The following SLC17A1 variants were observed in gnomAD, a reference collection of about 807,000 sequenced individuals.
SLC17A1 encodes solute carrier family 17 member 1, also known as sodium-dependent phosphate transport protein 1.
SLC17A1 carries 51 observed loss-of-function variants against 53.5 expected under a neutral mutation model. The ratio of observed to expected loss-of-function variants is 0.95; its 90% CI spans 0.76 to 1.20. The LOEUF (loss-of-function observed/expected upper bound fraction) is 1.20, where lower values mean the gene tolerates loss of function less well. Ranked by LOEUF, SLC17A1 falls within the 50% of genes most tolerant of loss-of-function variation. The pLI is 0.00. For synonymous variants in SLC17A1, 179 were observed against 198.8 expected (o/e 0.90, Z 0.84); for missense variants, 538 against 568.2 (o/e 0.95, Z 0.54).
At chr6:25,823,204 A>G (rs565607221) in intron 3 of SLC17A1, among the ~76,000 whole-genome samples, 2 of 152,116 alleles carry the variant, frequency 1.3e-5, no homozygotes, top group Non-Finnish European at 2.9e-5. Flanking sequence ...TCATTCACCT[A>G]CTGATGGACA....
At chr6:25,749,106 C>A in the SLC17A1 span, among the ~76,000 whole-genome samples, 2 of 152,202 alleles carry the variant, frequency 1.3e-5, no homozygotes, top group Non-Finnish European at 2.9e-5. Flanking sequence ...TCTCATCCCA[C>A]GAGGCCATAT....
Position 25,819,077 on chromosome 6 carries a change from A to G in SLC17A1, c.607T>C (p.Tyr203His). ...ACAGAAAGAGACTCACCAAAAATAT[A>G]GAAGACCATGGGCCAGCCCAGAGAT... ...CESLGWPMVF[Y>H]IFGACGCAVC... is the part of the protein sequence containing the mutation. The change falls in exon 6 of 13, where the codon TAT (tyrosine) becomes CAT (histidine). Residue 203 changes from tyrosine (Y) to histidine (H), a missense_variant. By Grantham distance (83) the Tyr-to-His change is moderately conservative. Coordinates refer to ENST00000244527, the MANE Select transcript of SLC17A1 (RefSeq NM_005074.5). 6.3e-7 allele frequency: 1 copy of G among 1,596,082 alleles called. No individual in the cohort carries two copies. The highest frequency in any genetic ancestry group is 8.5e-7 in the Non-Finnish European group (1 of 1,174,466).
intron 10 of SLC17A1, among the ~76,000 whole-genome samples, chr6:25,810,899 T>C (rs1158988600): frequency 6.6e-6 from 1 of 152,126 alleles, no homozygotes; most frequent in Non-Finnish European, 1.5e-5. Context: ...GTGGTATATA[T>C]ACACAATGGG....
intron 12 of SLC17A1, 93 bp downstream of exon 12, chr6:25,798,690 C>T (rs992223219): frequency 3.2e-5 from 38 of 1,206,186 alleles, no homozygotes; most frequent in Admixed American, 2.2e-4. Context: ...AACCTGCACC[C>T]GTTATTCCTT....
intron 3 of SLC17A1, among the ~76,000 whole-genome samples, chr6:25,824,347 GT>G (rs1171863503): frequency 6.6e-6 from 1 of 151,670 alleles, no homozygotes; most frequent in African/African-American, 2.4e-5. Flanking sequence ...ATCATGATCA[GT>G]GTGGTACAAT....
chr6:25,745,709 C>T, the SLC17A1 span, among the ~76,000 whole-genome samples: 1 of 152,182 alleles, frequency 6.6e-6, no homozygotes, highest in South Asian at 2.1e-4. Flanking sequence ...AATAACAAAT[C>T]ATCAAAGTAA....
chr6:25,770,054 C>T, the SLC17A1 span: 2 of 1,607,494 alleles, frequency 1.2e-6, no homozygotes, highest in Non-Finnish European at 1.7e-6. Flanking sequence ...CAGTAACTCT[C>T]TTTGTCATCT....
chr6:25,774,779 T>C, the SLC17A1 span, among the ~76,000 whole-genome samples: 1 of 152,182 alleles, frequency 6.6e-6, no homozygotes, highest in South Asian at 2.1e-4. Flanking sequence ...AAAGCAGAGC[T>C]TTCCAGGCTA....
chr6:25,801,420 G>C (rs1673087369), intron 10 of SLC17A1, among the ~76,000 whole-genome samples: 2 of 152,294 alleles, frequency 1.3e-5, no homozygotes, highest in Middle Eastern at 6.8e-3. Context: ...CAGAAGCCTA[G>C]TTTACAAGCA....
At chr6:25,823,953 C>G (rs1161870036) in intron 3 of SLC17A1, among the ~76,000 whole-genome samples, 1 of 151,780 alleles carries the variant, frequency 6.6e-6, no homozygotes, top group African/African-American at 2.4e-5. Flanking sequence ...TGTTACACCT[C>G]CAACTACTAA....
chr6:25,768,935 G>A, the SLC17A1 span: 1 of 1,528,782 alleles, frequency 6.5e-7, no homozygotes, highest in Non-Finnish European at 9.1e-7. Flanking sequence ...CTTAGGGAGA[G>A]TGGGAGAAAA....
At chr6:25,814,990 AACACACACACACAC>A (rs56723023) in intron 6 of SLC17A1, among the ~76,000 whole-genome samples, 3 of 51,594 alleles carry the variant, frequency 5.8e-5, no homozygotes, top group Admixed American at 3.4e-4. Context: ...CTGTCACACA[AACACACACACACAC>A]ACACACACAC....
intron 10 of SLC17A1, 44 bp downstream of exon 10, chr6:25,811,354 T>C (rs1349881930): frequency 5.8e-6 from 9 of 1,551,550 alleles, no homozygotes; most frequent in Non-Finnish European, 7.0e-6. Context: ...ATATACAATA[T>C]TTATTTGTTA....
At chr6:25,781,745 A>T (rs1763273646), downstream of SLC17A1, among the ~76,000 whole-genome samples, 1 of 152,082 alleles carries the variant, frequency 6.6e-6, no homozygotes, top group Admixed American at 6.6e-5. Context: ...TGTAGGAATG[A>T]TCTCACTCAC....
the SLC17A1 span, among the ~76,000 whole-genome samples, chr6:25,725,677 TAACTTTCGCCTCCCGGACTC>T: frequency 2.0e-5 from 3 of 151,962 alleles, no homozygotes; most frequent in Non-Finnish European, 4.4e-5. Flanking sequence ...TCGTTCACTG[TAACTTTCGCCTCCCGGACTC>T]ATGAACAACC....
chr6:25,753,198 T>C, the SLC17A1 span, among the ~76,000 whole-genome samples: 30 of 152,252 alleles, frequency 2.0e-4, no homozygotes, highest in African/African-American at 5.5e-4. Context: ...TCTTGGGGAA[T>C]TGGGCATCAC....
At chr6:25,812,161 G>A (rs1764180151) in intron 8 of SLC17A1, among the ~76,000 whole-genome samples, 1 of 152,156 alleles carries the variant, frequency 6.6e-6, no homozygotes. Context: ...CAACTTCAGG[G>A]TTTCATGAAG....
the SLC17A1 span, among the ~76,000 whole-genome samples, chr6:25,765,720 G>T: frequency 6.6e-6 from 1 of 151,842 alleles, no homozygotes; most frequent in African/African-American, 2.4e-5. Context: ...AGAAAAGGAA[G>T]AAAACAAAGA....
At chr6:25,770,587 T>G in the SLC17A1 span, 1 of 928,148 alleles carries the variant, frequency 1.1e-6, no homozygotes, top group Non-Finnish European at 1.8e-6. Context: ...GTCCTTTCCT[T>G]AAAGCACTAC....
Sources: allele counts gnomAD v4.1 joint callset (sites outside exome capture counted in the v4.1 genomes callset), GRCh38; gene constraint gnomAD v4.1.1; transcripts MANE v1.5; gene names NCBI Gene and HGNC (gene_info 2026-07-23, HGNC 2026-07-21).